MTOR: variants seen among roughly 807,000 people sequenced by gnomAD.
MTOR encodes the protein serine/threonine-protein kinase mTOR.
Under a neutral mutation model 319.8 loss-of-function variants are expected in MTOR, and 70 were observed. The ratio of observed to expected loss-of-function variants is 0.22; its 90% CI spans 0.18 to 0.27. The LOEUF is 0.27. MTOR is among the 10% of genes least tolerant of loss of function. The pLI, the probability that MTOR is intolerant of heterozygous loss-of-function variation, is 1.00. For synonymous variants in MTOR, 1,183 were observed against 1,211.4 expected, an observed-to-expected ratio of 0.98 and a Z score of 0.49; for missense variants, 1,890 against 3,274.4, an observed-to-expected ratio of 0.58 and a Z score of 10.32.
chr1:11,123,995 C>T (rs1642683716), intron 47 of MTOR, among the ~76,000 whole-genome samples: 1 of 152,196 alleles, frequency 6.6e-6, no homozygotes, highest in African/African-American at 2.4e-5. Flanking sequence ...ACCATGTTGG[C>T]CAGGCTGGTC....
intron 4 of MTOR, 103 bp from the exon 5 acceptor site, chr1:11,256,295 G>C: frequency 6.7e-7 from 1 of 1,481,610 alleles, no homozygotes; most frequent in Non-Finnish European, 9.0e-7. Context: ...CAGGAACAGA[G>C]AAGGCTTGCT....
At chr1:11,190,904 G>A (rs28990994) in intron 28 of MTOR, among the ~76,000 whole-genome samples, 284 of 152,262 alleles carry the variant, frequency 1.9e-3, no homozygotes, top group African/African-American at 6.3e-3. Context: ...CTCAAATTAA[G>A]AAAAAGTTTT....
chr1:11,218,755 A>G (rs546425207), intron 19 of MTOR, among the ~76,000 whole-genome samples: 104 of 152,244 alleles, frequency 6.8e-4, no homozygotes, highest in African/African-American at 2.5e-3. Flanking sequence ...CTTCTTCCTT[A>G]GCCTTTCACA....
At chr1:11,209,635 A>G (rs1172927332) in intron 24 of MTOR, among the ~76,000 whole-genome samples, 177 bp from the exon 25 acceptor site, 1 of 152,210 alleles carries the variant, frequency 6.6e-6, no homozygotes, top group Non-Finnish European at 1.5e-5. Flanking sequence ...AACTGTAGAC[A>G]GTCTTTGCTA....
In MTOR at chr1:11,212,161, A is replaced by G. The variant is rs1646334005; in HGVS notation, c.3561+151T>C. 3.3e-6 allele frequency: 3 copies of G among 921,970 alleles called. No individual in the cohort carries two copies. 57.1% of individuals were successfully genotyped at this position (921,970 alleles called of 1,614,324 possible). Reference sequence around the variant, plus strand: ...TTAGCTCACATAGGTTGCTCAATAAATGTTTGCTGAACACATGAAAAGAAA... The same window carrying G: ...TTAGCTCACATAGGTTGCTCAATAAGTGTTTGCTGAACACATGAAAAGAAA... On this transcript the variant is annotated intron_variant, in intron 23 of 57. Transcript: ENST00000361445. The surrounding 1 kb of genome is among the most constrained non-coding windows in gnomAD (Gnocchi z 4.1).
rs887588760 is a variant in MTOR at position 11,243,164 on chromosome 1, G to A, written c.1362C>T (p.Arg454=). Residue 454 remains arginine (R), a synonymous_variant, in exon 9 of 58, where the codon CGC becomes CGT. Transcript: ENST00000361445. ...VRSEFKVYLP[R]VLDIIRAALP... ...GGGCCGCTCGGATGATGTCCAGCAC[G>A]CGAGGCAAATAGACCTTAAACTCAG... The A allele has an allele frequency of 2.0e-5, 32 of 1,614,034 alleles. 1 individual carries two copies. The highest frequency in any genetic ancestry group is 1.3e-4 in the East Asian group (6 of 44,884).
chr1:11,165,215 C>T (rs1050292543), intron 29 of MTOR, among the ~76,000 whole-genome samples: 2 of 152,148 alleles, frequency 1.3e-5, no homozygotes, highest in Non-Finnish European at 2.9e-5. Flanking sequence ...TCTCACCACT[C>T]CTATTCAACA....
intron 9 of MTOR, among the ~76,000 whole-genome samples, chr1:11,242,478 C>G (rs1237170473): frequency 8.7e-6 from 1 of 115,050 alleles, no homozygotes; most frequent in African/African-American, 3.6e-5. Flanking sequence ...CCGGCCTGGG[C>G]AACCAAAGTA....
chr1:11,122,437 A>G (rs540727864), intron 47 of MTOR, among the ~76,000 whole-genome samples: 1 of 149,892 alleles, frequency 6.7e-6, no homozygotes, highest in East Asian at 2.0e-4. Context: ...TCTTGACCTC[A>G]TGATCCGCCT....
At chr1:11,169,469 G>A (rs1262369217) in intron 28 of MTOR, among the ~76,000 whole-genome samples, 1 of 152,194 alleles carries the variant, frequency 6.6e-6, no homozygotes, top group East Asian at 1.9e-4. Context: ...GGGTGAAACA[G>A]CCTTGGATTT....
intron 28 of MTOR, chr1:11,195,052 G>C (rs757264296): frequency 1.2e-6 from 2 of 1,609,228 alleles, no homozygotes; most frequent in Non-Finnish European, 1.7e-6. Context: ...CACGGATACA[G>C]AAACTGAGAC....
At position 11,186,229 on chromosome 1, in the gene MTOR, T is replaced by A. The variant is rs192360847; in HGVS notation, c.4253+13029A>T. ...AACAGCAAGGCAGCTTCTTCTGAGATGTATTCATTCCACAAGCTGAGAGTG... is the reference window on the plus strand; with the variant it reads ...AACAGCAAGGCAGCTTCTTCTGAGAAGTATTCATTCCACAAGCTGAGAGTG... On this transcript the variant is annotated intron_variant, in intron 28 of 57. Coordinates refer to ENST00000361445, the MANE Select transcript of MTOR (RefSeq NM_004958.4). Among the ~76,000 whole-genome samples, 644 of 152,196 alleles carry A rather than the reference T, an allele frequency of 4.2e-3. 6 individuals carry two copies. The highest frequency in any genetic ancestry group is 0.015 in the African/African-American group (607 of 41,508).
At chr1:11,114,503 C>T (rs2100318439) in intron 52 of MTOR, 50 bp from the exon 53 acceptor site, 6 of 1,608,856 alleles carry the variant, frequency 3.7e-6, no homozygotes, top group Non-Finnish European at 5.1e-6. Flanking sequence ...ACTCTCCACC[C>T]AAAGCAAGCC....
At chr1:11,171,554 T>C (rs1644814708) in intron 28 of MTOR, among the ~76,000 whole-genome samples, 1 of 152,004 alleles carries the variant, frequency 6.6e-6, no homozygotes, top group Non-Finnish European at 1.5e-5. Context: ...CTCTCCCAAT[T>C]ATCACAGTGC....
intron 3 of MTOR, 58 bp from the exon 4 acceptor site, chr1:11,257,223 C>A (rs1650513424): frequency 8.3e-6 from 12 of 1,448,482 alleles, no homozygotes; most frequent in Non-Finnish European, 1.0e-5. Flanking sequence ...CAGGAAAGTA[C>A]GCAGACTTCA....
chr1:11,220,634 T>C (rs915094118), intron 19 of MTOR, among the ~76,000 whole-genome samples: 3 of 152,154 alleles, frequency 2.0e-5, no homozygotes, highest in Admixed American at 2.0e-4. Flanking sequence ...GAAGGGGGCC[T>C]AGGAACGCAG....
Position 11,231,438 on chromosome 1 carries a change from G to T in MTOR, c.2515-4C>A, listed in dbSNP as rs767186546. 20 of 1,613,750 alleles carry T rather than the reference G, an allele frequency of 1.2e-5. No homozygotes were observed. The Middle Eastern group carries it at 4.9e-4, about 40-fold the overall frequency. On this transcript the variant is annotated splice_polypyrimidine_tract_variant and splice_region_variant and intron_variant, in intron 16 of 57. Coordinates refer to ENST00000361445, the MANE Select transcript of MTOR (RefSeq NM_004958.4). ...GTCCCAGGGTCCACAGAGCCACCTG[G>T]ATAGGCACAAGAACACGATTCAATG...
At chr1:11,178,832 C>T (rs968700990) in intron 28 of MTOR, among the ~76,000 whole-genome samples, 4 of 152,156 alleles carry the variant, frequency 2.6e-5, no homozygotes, top group Admixed American at 1.3e-4. Context: ...TCTGAATGTC[C>T]AAGAACTCTG....
chr1:11,244,462 G>A (rs563295996), intron 8 of MTOR, among the ~76,000 whole-genome samples: 3 of 151,750 alleles, frequency 2.0e-5, no homozygotes, highest in East Asian at 2.0e-4. Context: ...ATGAAACCCC[G>A]TCTCTACTGA....
Sources: allele counts gnomAD v4.1 joint callset (sites outside exome capture counted in the v4.1 genomes callset), GRCh38; gene constraint gnomAD v4.1.1; non-coding constraint Gnocchi (gnomAD v3.1); transcripts MANE v1.5; gene names NCBI Gene and HGNC (gene_info 2026-07-23, HGNC 2026-07-21).